AGBL1: variants seen among roughly 807,000 people sequenced by gnomAD.
The protein encoded by AGBL1 is cytosolic carboxypeptidase 4.
In AGBL1, 130 loss-of-function variants were observed where a neutral mutation model predicts 118.9. The observed-to-expected ratio is 1.09, with a 90% confidence interval of 0.95 to 1.26. The LOEUF is 1.26. AGBL1 is among the 50% of genes most tolerant of loss of function. AGBL1 has a pLI of 0.00. For missense variants in AGBL1, 1,584 were observed against 1,298.1 expected (o/e 1.22, Z -3.38); for synonymous variants, 555 against 478.9 (o/e 1.16, Z -2.08).
At chr15:87,004,791 C>T (rs1194576393) in intron 24 of AGBL1, among the ~76,000 whole-genome samples, 1 of 152,128 alleles carries the variant, frequency 6.6e-6, no homozygotes, top group South Asian at 2.1e-4. Context: ...CATTGATGGT[C>T]TTTCTTTACA....
intron 22 of AGBL1, among the ~76,000 whole-genome samples, chr15:86,768,703 G>A (rs1021118186): frequency 6.6e-6 from 1 of 151,878 alleles, no homozygotes; most frequent in African/African-American, 2.4e-5. Flanking sequence ...CTTTATGGGA[G>A]TTATAAAAAT....
intron 17 of AGBL1, among the ~76,000 whole-genome samples, chr15:86,391,351 G>A (rs969643137): frequency 2.1e-4 from 32 of 151,956 alleles, no homozygotes; most frequent in African/African-American, 6.5e-4. Flanking sequence ...TTTGGAAAAC[G>A]TAGCATGTGT....
chr15:86,510,762 C>A (rs971866481), intron 18 of AGBL1, among the ~76,000 whole-genome samples: 3 of 152,056 alleles, frequency 2.0e-5, no homozygotes, highest in Non-Finnish European at 2.9e-5. Context: ...CATAATTAAA[C>A]CTGTTGAATT....
At position 86,680,470 on chromosome 15, in the gene AGBL1, G is replaced by A. The variant is rs186250609; in HGVS notation, c.3158+6034G>A. 1.5e-4 allele frequency among the ~76,000 whole-genome samples: 22 copies of A among 151,510 alleles called. 1 individual carries two copies. The East Asian group carries it at 4.1e-3, about 28-fold the overall frequency. ...ATGTAGACGTGGCCAAATTTACTCTGGTATGTAATCTTATGGTAGCCAGCC... is the reference window on the plus strand; with the variant it reads ...ATGTAGACGTGGCCAAATTTACTCTAGTATGTAATCTTATGGTAGCCAGCC... On this transcript the variant is annotated intron_variant, in intron 22 of 22. Coordinates refer to ENST00000614907, the MANE Select transcript of AGBL1 (RefSeq NM_001386094.1).
intron 18 of AGBL1, among the ~76,000 whole-genome samples, chr15:86,412,180 T>C (rs1477012503): frequency 2.0e-5 from 3 of 152,208 alleles, no homozygotes; most frequent in Admixed American, 6.5e-5. Flanking sequence ...AACTAGTCTA[T>C]ACAGACATGC....
chr15:86,445,064 C>G (rs894983314), intron 18 of AGBL1, among the ~76,000 whole-genome samples: 2 of 152,122 alleles, frequency 1.3e-5, no homozygotes, highest in Admixed American at 6.5e-5. Context: ...TGAAAAAAAT[C>G]TGTATTATTA....
intron 17 of AGBL1, among the ~76,000 whole-genome samples, chr15:86,392,948 G>A (rs2081310790): frequency 6.6e-6 from 1 of 152,150 alleles, no homozygotes; most frequent in African/African-American, 2.4e-5. Context: ...TATGTGTGGT[G>A]CATACTATTT....
chr15:86,412,988 T>C (rs1041955630), intron 18 of AGBL1, among the ~76,000 whole-genome samples: 7 of 152,182 alleles, frequency 4.6e-5, no homozygotes, highest in African/African-American at 1.7e-4. Flanking sequence ...TCCCAGGCCA[T>C]TCAGAACACA....
At chr15:87,006,922 A>G (rs2081510925) in intron 24 of AGBL1, among the ~76,000 whole-genome samples, 1 of 152,154 alleles carries the variant, frequency 6.6e-6, no homozygotes. Context: ...GTGAGGAGTG[A>G]GACAGGGGGT....
chr15:86,368,939 C>A (rs763442621), intron 17 of AGBL1, among the ~76,000 whole-genome samples: 4 of 152,002 alleles, frequency 2.6e-5, no homozygotes, highest in Non-Finnish European at 5.9e-5. Context: ...TGAGAATCTG[C>A]GCCTGGGAGA....
At chr15:86,810,752 T>G (rs2078777614) in intron 22 of AGBL1, among the ~76,000 whole-genome samples, 1 of 152,154 alleles carries the variant, frequency 6.6e-6, no homozygotes, top group Non-Finnish European at 1.5e-5. Context: ...TCCTTACTCT[T>G]AAATTTCAGC....
At chr15:86,203,074 A>G (rs745342537) in intron 5 of AGBL1, among the ~76,000 whole-genome samples, 15 of 152,064 alleles carry the variant, frequency 9.9e-5, no homozygotes, top group Non-Finnish European at 1.9e-4. Context: ...ACAAAAAGAA[A>G]TCTGTCTCTG....
intron 18 of AGBL1, among the ~76,000 whole-genome samples, chr15:86,486,933 G>A (rs1041513764): frequency 1.3e-5 from 2 of 152,040 alleles, no homozygotes; most frequent in African/African-American, 2.4e-5. Flanking sequence ...AACCCTGCAT[G>A]TGTAGCTTTC....
chr15:86,749,340 T>C (rs1054017891), intron 22 of AGBL1, among the ~76,000 whole-genome samples: 2 of 152,168 alleles, frequency 1.3e-5, no homozygotes, highest in African/African-American at 2.4e-5. Context: ...AGAATGCTGG[T>C]GAGTTTTGCA....
intron 21 of AGBL1, among the ~76,000 whole-genome samples, chr15:86,627,162 A>T (rs7166679): frequency 6.6e-6 from 1 of 151,832 alleles, no homozygotes; most frequent in Non-Finnish European, 1.5e-5. Flanking sequence ...CACCACCCCC[A>T]GCTAATTTTG....
intron 21 of AGBL1, among the ~76,000 whole-genome samples, chr15:86,611,749 A>G (rs993931400): frequency 2.0e-5 from 3 of 152,292 alleles, no homozygotes; most frequent in East Asian, 3.9e-4. Context: ...AGGCCAGAGA[A>G]GAGGTTCATA....
At chr15:86,728,102 C>T (rs1040926876) in intron 22 of AGBL1, among the ~76,000 whole-genome samples, 1 of 152,208 alleles carries the variant, frequency 6.6e-6, no homozygotes, top group Admixed American at 6.5e-5. Flanking sequence ...CCTCTCCTTT[C>T]TTGGAATCCT....
chr15:86,168,587 T>G (rs2077373791), intron 5 of AGBL1, among the ~76,000 whole-genome samples: 1 of 152,174 alleles, frequency 6.6e-6, no homozygotes, highest in South Asian at 2.1e-4. Context: ...AGGGAATGCT[T>G]GGTAAAAGTG....
intron 22 of AGBL1, among the ~76,000 whole-genome samples, chr15:86,765,091 C>T (rs1289530636): frequency 6.6e-6 from 1 of 151,916 alleles, no homozygotes; most frequent in Non-Finnish European, 1.5e-5. Flanking sequence ...AACTTAACTG[C>T]TTCTACACCA....
Sources: gnomAD v4.1 joint callset for allele counts (sites outside exome capture counted in the v4.1 genomes callset) on GRCh38, gnomAD v4.1.1 for gene constraint, MANE v1.5 for transcripts, NCBI Gene and HGNC (gene_info 2026-07-23, HGNC 2026-07-21) for gene names.